Variants in RTF1 observed in about 807,000 individuals in gnomAD.
RTF1 encodes the protein RNA polymerase-associated protein RTF1 homolog.
Under a neutral mutation model 95.7 loss-of-function variants are expected in RTF1, and 10 were observed. That is an observed-to-expected ratio of 0.10 (90% CI 0.06 to 0.18). The LOEUF (loss-of-function observed/expected upper bound fraction) is 0.18, where lower values mean the gene tolerates loss of function less well. Ranked by LOEUF, RTF1 falls within the 10% of genes least tolerant of loss-of-function variation. RTF1 has a pLI of 1.00. For missense variants in RTF1, 458 were observed against 875.6 expected, an observed-to-expected ratio of 0.52 and a Z score of 6.02; for synonymous variants, 305 against 311.8, an observed-to-expected ratio of 0.98 and a Z score of 0.23.
intron 5 of RTF1, among the ~76,000 whole-genome samples, chr15:41,465,455 A>G (rs1475152568): frequency 6.6e-6 from 1 of 152,226 alleles, no homozygotes; most frequent in Non-Finnish European, 1.5e-5. Flanking sequence ...AGCCTGGCCA[A>G]CGTGGCGAAA....
In RTF1 at chr15:41,462,145, A is replaced by T. The variant is rs150519280; in HGVS notation, c.663-2626A>T. ...AGCCATCATAGAAAATTGATATTTT[A>T]GTAGTTCGTTTGTTTAGCTTCAGGG... On this transcript the variant is annotated intron_variant, in intron 4 of 17. Coordinates refer to ENST00000389629, the MANE Select transcript of RTF1 (RefSeq NM_015138.5). Among the ~76,000 whole-genome samples the T allele has an allele frequency of 3.1e-3, 474 of 152,222 alleles. 3 individuals are homozygous for T. The highest frequency in any genetic ancestry group is 0.011 in the African/African-American group (451 of 41,536).
intron 15 of RTF1, 106 bp downstream of exon 15, chr15:41,478,731 G>A: frequency 9.7e-7 from 1 of 1,029,898 alleles, no homozygotes; most frequent in South Asian, 1.3e-5. Flanking sequence ...TTTCTTAGCT[G>A]GGATTTGCTT....
chr15:41,423,895 G>T (rs2050615653), intron 1 of RTF1, among the ~76,000 whole-genome samples: 2 of 152,036 alleles, frequency 1.3e-5, no homozygotes, highest in South Asian at 2.1e-4. Context: ...TGGGATTACA[G>T]GTATGCACCA....
At position 41,464,388 on chromosome 15, in the gene RTF1, A is replaced by G. The variant is rs541218122; in HGVS notation, c.663-383A>G. 2.6e-5 allele frequency among the ~76,000 whole-genome samples: 4 copies of G among 150,966 alleles called. No individual in the cohort carries two copies. The South Asian group carries it at 6.3e-4, about 24-fold the overall frequency. ...CTCAGCCTCCCAAGTAGCTGGGACT[A>G]CAAGTGTGCGCCACCATGCCCAGCT... is the stretch of plus-strand genomic sequence containing the variant. On this transcript the variant is annotated intron_variant, in intron 4 of 17. Coordinates refer to ENST00000389629, the MANE Select transcript of RTF1 (RefSeq NM_015138.5).
At chr15:41,454,736 G>A (rs1449373246) in intron 3 of RTF1, among the ~76,000 whole-genome samples, 1 of 152,154 alleles carries the variant, frequency 6.6e-6, no homozygotes. Context: ...GAGTATTCTT[G>A]CCAAAAATTC....
At chr15:41,429,706 T>C (rs2050658935) in intron 1 of RTF1, among the ~76,000 whole-genome samples, 3 of 152,144 alleles carry the variant, frequency 2.0e-5, no homozygotes. Context: ...TTCAGGGCCT[T>C]AGCTGTTCCA....
At chr15:41,439,159 C>T (rs946834450) in intron 2 of RTF1, among the ~76,000 whole-genome samples, 1 of 150,904 alleles carries the variant, frequency 6.6e-6, no homozygotes. Context: ...AGCCTACTGA[C>T]TAGCTGGGAC....
intron 3 of RTF1, among the ~76,000 whole-genome samples, chr15:41,456,205 G>T (rs1289750122): frequency 6.8e-6 from 1 of 146,278 alleles, no homozygotes; most frequent in African/African-American, 2.5e-5. Context: ...AAAAAAAAAA[G>T]GCTGGGCGCA....
chr15:41,480,147 GGCT>G (rs1385589592), intron 16 of RTF1, 64 bp from the exon 17 acceptor site: 3 of 996,598 alleles, frequency 3.0e-6, no homozygotes, highest in African/African-American at 3.2e-5. Context: ...TACCGTTAGT[GGCT>G]GCTGCTGCTT....
chr15:41,455,950 C>T (rs950373770), intron 3 of RTF1, among the ~76,000 whole-genome samples: 1 of 152,040 alleles, frequency 6.6e-6, no homozygotes, highest in African/African-American at 2.4e-5. Flanking sequence ...CGGCGGCTCA[C>T]ACCTGTAATC....
chr15:41,442,413 G>A (rs1040672581), intron 2 of RTF1, among the ~76,000 whole-genome samples: 6 of 151,590 alleles, frequency 4.0e-5, no homozygotes, highest in African/African-American at 1.5e-4. Flanking sequence ...ATGATCCGCC[G>A]GCCTCATCCT....
intron 1 of RTF1, among the ~76,000 whole-genome samples, chr15:41,427,954 T>C (rs1327519952): frequency 2.0e-5 from 3 of 151,766 alleles, no homozygotes; most frequent in African/African-American, 7.3e-5. Flanking sequence ...ACCTGGCTAA[T>C]TTTTGTATTT....
chr15:41,451,873 G>T (rs2050790902), intron 2 of RTF1, among the ~76,000 whole-genome samples: 1 of 151,984 alleles, frequency 6.6e-6, no homozygotes, highest in Non-Finnish European at 1.5e-5. Context: ...TTGCCATAAA[G>T]TTGATATCTT....
chr15:41,421,782 C>G (rs1196950620), intron 1 of RTF1, among the ~76,000 whole-genome samples: 1 of 150,484 alleles, frequency 6.6e-6, no homozygotes, highest in Non-Finnish European at 1.5e-5. Context: ...AATTACAGCT[C>G]ACGGCTGTAG....
intron 15 of RTF1, chr15:41,478,867 G>C: frequency 1.6e-6 from 1 of 608,116 alleles, no homozygotes; most frequent in Non-Finnish European, 2.9e-6. Context: ...TGGGTTTACA[G>C]TGCAGCAGAC....
chr15:41,480,350 G>T, intron 17 of RTF1, 25 bp downstream of exon 17: 2 of 1,476,998 alleles, frequency 1.4e-6, no homozygotes, highest in South Asian at 1.1e-5. Flanking sequence ...GGCGGGTGGT[G>T]AGGGCTGAGA....
Position 41,475,741 on chromosome 15 carries a change from T to C in RTF1, c.1404T>C (p.Thr468=). Residue 468 remains threonine, a synonymous_variant, in exon 11 of 18, where the codon ACT becomes ACC. Coordinates refer to ENST00000389629, the MANE Select transcript of RTF1 (RefSeq NM_015138.5). ...TCTCTGCTGGCATGCAGTTGCCCACTCTAGATGAAATCAATAAAAAGGAAT... is the reference window on the plus strand; with the variant it reads ...TCTCTGCTGGCATGCAGTTGCCCACCCTAGATGAAATCAATAAAAAGGAAT... ...AMFSAGMQLP[T]LDEINKKELS... is the part of the protein sequence containing the mutation. 6.2e-7 allele frequency: 1 copy of C among 1,610,036 alleles called. No individual in the cohort carries two copies. The highest frequency in any genetic ancestry group is 1.1e-5 in the South Asian group (1 of 90,908).
intron 4 of RTF1, among the ~76,000 whole-genome samples, chr15:41,460,680 G>A (rs867522756): frequency 6.6e-6 from 1 of 151,810 alleles, no homozygotes; most frequent in Non-Finnish European, 1.5e-5. Flanking sequence ...GACTGATTCA[G>A]TGACTTCTTA....
At chr15:41,427,597 C>T (rs1420156911) in intron 1 of RTF1, among the ~76,000 whole-genome samples, 2 of 152,030 alleles carry the variant, frequency 1.3e-5, no homozygotes, top group East Asian at 1.9e-4. Flanking sequence ...GGAGGATCAC[C>T]TGAGCTTAGG....
Sources: allele counts gnomAD v4.1 joint callset (sites outside exome capture counted in the v4.1 genomes callset), GRCh38; gene constraint gnomAD v4.1.1; transcripts MANE v1.5; gene names NCBI Gene and HGNC (gene_info 2026-07-23, HGNC 2026-07-21).